Variants in PRKCB observed in about 807,000 individuals in gnomAD.
PRKCB encodes the protein protein kinase C beta type.
Under a neutral mutation model 81.5 loss-of-function variants are expected in PRKCB, and 13 were observed. The observed-to-expected ratio is 0.16, with a 90% confidence interval of 0.10 to 0.25. The LOEUF is 0.25. PRKCB is among the 10% of genes least tolerant of loss of function. The pLI is 1.00. For missense variants in PRKCB, 509 were observed against 875.7 expected (o/e 0.58, Z 5.29); for synonymous variants, 335 against 321.4 (o/e 1.04, Z -0.45).
intron 10 of PRKCB, 85 bp from the exon 11 acceptor site, chr16:24,172,185 A>G: frequency 2.1e-6 from 2 of 972,222 alleles, no homozygotes; most frequent in Non-Finnish European, 3.2e-6. Context: ...AGTTTTCATC[A>G]TAAATTCCAG....
chr16:23,904,501 A>G (rs556537645), intron 2 of PRKCB, among the ~76,000 whole-genome samples: 1 of 152,228 alleles, frequency 6.6e-6, no homozygotes, highest in East Asian at 1.9e-4. Flanking sequence ...CATCTCTACT[A>G]AAAATACAAA....
At chr16:24,175,370 C>T (rs181669177) in intron 12 of PRKCB, among the ~76,000 whole-genome samples, 14 of 151,964 alleles carry the variant, frequency 9.2e-5, no homozygotes, top group Admixed American at 2.0e-4. Flanking sequence ...TTTATCAAAT[C>T]CTACTATATT....
In PRKCB at chr16:23,836,066, G is replaced by T; in HGVS notation, c.-110G>T. On this transcript the variant is annotated 5_prime_UTR_variant, in exon 1 of 17. Coordinates refer to ENST00000643927, the MANE Select transcript of PRKCB (RefSeq NM_002738.7). ...GAGCCGGCGCAGGGGAAGCGCCCGC[G>T]GCCCCGGGTGCAGCAGCGGCCGCCG... is the stretch of plus-strand genomic sequence containing the variant. The T allele has an allele frequency of 3.8e-6, 3 of 797,180 alleles. No individual in the cohort carries two copies. Among genetic ancestry groups the T allele is most frequent in the Non-Finnish European group, 4.6e-6 (3 of 659,106 alleles). The allele number at this position is 797,180 out of a possible 1,614,324, so 49.4% of individuals were successfully genotyped here.
intron 5 of PRKCB, among the ~76,000 whole-genome samples, chr16:24,051,204 A>G (rs952453270): frequency 6.6e-6 from 1 of 152,216 alleles, no homozygotes; most frequent in African/African-American, 2.4e-5. Flanking sequence ...GTCTGCCAGG[A>G]GGCAGAGGAA....
At chr16:24,021,028 C>CTTTCTTTCTTTCTTTCT (rs1567346706) in intron 3 of PRKCB, among the ~76,000 whole-genome samples, 1 of 140,328 alleles carries the variant, frequency 7.1e-6, no homozygotes. Flanking sequence ...TTCTTTCTTT[C>CTTTCTTTCTTTCTTTCT]TTTCTTTCTT....
Position 23,892,102 on chromosome 16 carries a change from A to G in PRKCB, c.205+54696A>G, listed in dbSNP as rs1015324919. On this transcript the variant is annotated intron_variant, in intron 2 of 16. Coordinates refer to ENST00000643927, the MANE Select transcript of PRKCB (RefSeq NM_002738.7). The stretch of plus-strand genomic sequence containing the variant: ...TTTGCTGAAACAAATGCCTGTTAAT[A>G]AGTGGCACGATTCCCTTGGTCTCAG... 2.6e-5 allele frequency among the ~76,000 whole-genome samples: 4 copies of G among 151,532 alleles called. No individual in the cohort carries two copies. In the East Asian group the frequency reaches 7.7e-4, roughly 29 times the overall value.
At chr16:24,029,086 C>T (rs560579668) in intron 3 of PRKCB, among the ~76,000 whole-genome samples, 218 of 152,276 alleles carry the variant, frequency 1.4e-3, no homozygotes, top group African/African-American at 4.8e-3. Context: ...CCACTGTGCC[C>T]GGCCTGGATG....
chr16:24,173,256 A>G (rs185428350), intron 11 of PRKCB, among the ~76,000 whole-genome samples: 15 of 152,300 alleles, frequency 9.8e-5, no homozygotes, highest in Non-Finnish European at 1.5e-4. Context: ...AGGCAGCTAC[A>G]GTCTCTTCTT....
At chr16:24,118,800 TC>T (rs1966764373) in intron 8 of PRKCB, among the ~76,000 whole-genome samples, 1 of 152,192 alleles carries the variant, frequency 6.6e-6, no homozygotes, top group Admixed American at 6.5e-5. Flanking sequence ...AATTTGTGCC[TC>T]AATTTTAAAA....
chr16:24,186,199 A>C (rs2078834), intron 15 of PRKCB, among the ~76,000 whole-genome samples: 1 of 151,946 alleles, frequency 6.6e-6, no homozygotes, highest in Non-Finnish European at 1.5e-5. Context: ...TTTGTTTTGC[A>C]TCTTGTGTTG....
At chr16:24,061,930 A>AAAAC (rs1965980066) in intron 5 of PRKCB, among the ~76,000 whole-genome samples, 1 of 146,506 alleles carries the variant, frequency 6.8e-6, no homozygotes, top group African/African-American at 2.5e-5. Flanking sequence ...AAAAAAAAAA[A>AAAAC]AAACTTGAGG....
At chr16:24,004,113 G>T (rs1299778683) in intron 3 of PRKCB, among the ~76,000 whole-genome samples, 1 of 152,134 alleles carries the variant, frequency 6.6e-6, no homozygotes. Context: ...ATAAAAATAT[G>T]CCAGCAAGGA....
At chr16:24,097,358 A>G (rs573254681) in intron 7 of PRKCB, among the ~76,000 whole-genome samples, 1 of 152,112 alleles carries the variant, frequency 6.6e-6, no homozygotes, top group East Asian at 1.9e-4. Flanking sequence ...TTCTTGAAAC[A>G]TATATTGAGT....
intron 16 of PRKCB, among the ~76,000 whole-genome samples, chr16:24,209,007 G>T (rs1307413280): frequency 1.3e-5 from 2 of 152,136 alleles, no homozygotes; most frequent in African/African-American, 2.4e-5. Context: ...AGGAGGGAGT[G>T]GGGAGAGGGA....
At chr16:24,095,787 C>A (rs370505876) in intron 7 of PRKCB, among the ~76,000 whole-genome samples, 7 of 152,104 alleles carry the variant, frequency 4.6e-5, no homozygotes, top group African/African-American at 1.7e-4. Context: ...TGCAAAAAAA[C>A]CTGAAGAGAC....
intron 5 of PRKCB, among the ~76,000 whole-genome samples, chr16:24,046,648 G>A (rs1302795758): frequency 6.6e-6 from 1 of 152,060 alleles, no homozygotes; most frequent in African/African-American, 2.4e-5. Context: ...CAGCAGGCTT[G>A]TGAGTGACAG....
chr16:24,132,848 A>G (rs1308382885), intron 9 of PRKCB, among the ~76,000 whole-genome samples: 1 of 148,706 alleles, frequency 6.7e-6, no homozygotes, highest in Non-Finnish European at 1.5e-5. Flanking sequence ...TGGTGCAATC[A>G]TAGCTCACTG....
intron 3 of PRKCB, among the ~76,000 whole-genome samples, chr16:24,013,183 T>C (rs1368492528): frequency 6.6e-6 from 1 of 152,194 alleles, no homozygotes; most frequent in Non-Finnish European, 1.5e-5. Flanking sequence ...ATTTCCAATA[T>C]TTTGTACTCA....
intron 2 of PRKCB, among the ~76,000 whole-genome samples, chr16:23,894,106 G>A (rs996977061): frequency 2.6e-5 from 4 of 152,180 alleles, no homozygotes; most frequent in Admixed American, 6.5e-5. Flanking sequence ...GGATGATGGT[G>A]GTATGTCATC....
Sources: gnomAD v4.1 joint callset for allele counts (sites outside exome capture counted in the v4.1 genomes callset) on GRCh38, gnomAD v4.1.1 for gene constraint, MANE v1.5 for transcripts, NCBI Gene and HGNC (gene_info 2026-07-23, HGNC 2026-07-21) for gene names.